Variants in DHX37 observed in about 807,000 individuals in gnomAD.
DHX37 encodes the protein DEAH-box helicase 37.
DHX37 carries 52 observed loss-of-function variants against 134.3 expected under a neutral mutation model. The ratio of observed to expected loss-of-function variants is 0.39; its 90% CI spans 0.31 to 0.49. The LOEUF is 0.49. DHX37 is among the 20% of genes least tolerant of loss of function. The pLI is 0.93. For synonymous variants in DHX37, 634 were observed against 670.7 expected, an observed-to-expected ratio of 0.95 and a Z score of 0.85; for missense variants, 1,344 against 1,580.8, an observed-to-expected ratio of 0.85 and a Z score of 2.54.
At chr12:124,981,703 A>G (rs12422810) in intron 3 of DHX37, among the ~76,000 whole-genome samples, 54,645 of 150,996 alleles carry the variant, frequency 0.36, 9,972 homozygotes, top group East Asian at 0.44. Flanking sequence ...CCAAAGTGCT[A>G]GGATTACAGG....
intron 5 of DHX37, among the ~76,000 whole-genome samples, chr12:124,976,074 T>C (rs1277030795): frequency 6.6e-6 from 1 of 152,114 alleles, no homozygotes; most frequent in South Asian, 2.1e-4. Flanking sequence ...CCAGGCAGGG[T>C]GGGCTTAGGC....
chr12:124,973,933 G>A lies in DHX37; in HGVS notation c.981-1334C>T, dbSNP rs182564979. 7.2e-3 allele frequency among the ~76,000 whole-genome samples: 1,045 copies of A among 145,844 alleles called. 11 individuals are homozygous for A. The highest frequency in any genetic ancestry group is 0.011 in the Non-Finnish European group (754 of 67,178). On this transcript the variant is annotated intron_variant, in intron 6 of 26. Coordinates refer to ENST00000308736, the MANE Select transcript of DHX37 (RefSeq NM_032656.4). ...CCTGGGATTACAGGCGTGAGCCGCC[G>A]TGCCCAGTCCCCAAATTTTTTTTTT...
chr12:124,961,019 T>C (rs1343684492), intron 15 of DHX37, among the ~76,000 whole-genome samples: 4 of 152,266 alleles, frequency 2.6e-5, no homozygotes, highest in Non-Finnish European at 5.9e-5. Context: ...CATAGCACTC[T>C]ACACTTTAAC....
chr12:124,960,447 A>G lies in DHX37; in HGVS notation c.2046-24T>C, dbSNP rs1368329145. 3.7e-6 allele frequency: 6 copies of G among 1,603,608 alleles called. No individual in the cohort carries two copies. The African/African-American group carries it at 6.7e-5, about 18-fold the overall frequency. Reference sequence around the variant, plus strand: ...GCCTGGATGGAGAGAAACCGGGACAACAAACACAAAACTCACACCAAAAAC... The same window carrying G: ...GCCTGGATGGAGAGAAACCGGGACAGCAAACACAAAACTCACACCAAAAAC... On this transcript the variant is annotated intron_variant, in intron 15 of 26. Coordinates refer to ENST00000308736, the MANE Select transcript of DHX37 (RefSeq NM_032656.4).
At chr12:124,967,266 A>G (rs753948022) in intron 10 of DHX37, 48 bp from the exon 11 acceptor site, 4 of 1,588,930 alleles carry the variant, frequency 2.5e-6, no homozygotes, top group Non-Finnish European at 3.4e-6. Context: ...ACTCACAAAC[A>G]TTTGCTTAGC....
chr12:124,952,737 G>A lies in DHX37; in HGVS notation c.2696-167C>T, dbSNP rs997736491. 9 of 574,564 alleles carry A rather than the reference G, an allele frequency of 1.6e-5. No individual in the cohort carries two copies. The Admixed American group carries it at 2.4e-4, about 15-fold the overall frequency. The allele number at this position is 574,564 out of a possible 1,614,324, so 35.6% of individuals were successfully genotyped here. ...CAGGACCCAAAGCCCCCAGCAGGCA[G>A]GATTGCAGCCGCCCCCCCATTCCCT... On this transcript the variant is annotated intron_variant, in intron 20 of 26. Coordinates refer to ENST00000308736, the MANE Select transcript of DHX37 (RefSeq NM_032656.4).
rs986964904 is a variant in DHX37 at position 124,949,424 on chromosome 12, G to A, written c.3290+562C>T. Among the ~76,000 whole-genome samples the A allele has an allele frequency of 2.0e-5, 3 of 152,188 alleles. No individual in the cohort carries two copies. The highest frequency in any genetic ancestry group is 2.0e-4 in the Admixed American group (3 of 15,286). ...CAGAAGCAGGAGGCAGAGGGCAAGGGTGAGCCCTGAAGCAGAGGTGGTGGG... is the reference window on the plus strand; with the variant it reads ...CAGAAGCAGGAGGCAGAGGGCAAGGATGAGCCCTGAAGCAGAGGTGGTGGG... On this transcript the variant is annotated intron_variant, in intron 25 of 26. Coordinates refer to ENST00000308736, the MANE Select transcript of DHX37 (RefSeq NM_032656.4). This position sits in a 1 kb window ranked among gnomAD's most constrained non-coding sequence, Gnocchi z 4.0.
At chr12:124,954,263 G>C in intron 18 of DHX37, 52 bp from the exon 19 acceptor site, 2 of 1,518,546 alleles carry the variant, frequency 1.3e-6, no homozygotes, top group Middle Eastern at 1.8e-4. Context: ...TGCGCTCAGG[G>C]CCTCAGCGGG....
In DHX37 at chr12:124,964,504, G is replaced by A; in HGVS notation, c.1935C>T (p.Tyr645=). The A allele has an allele frequency of 6.2e-7, 1 of 1,614,220 alleles. No homozygotes were observed. The highest frequency in any genetic ancestry group is 8.5e-7 in the Non-Finnish European group (1 of 1,180,028). ...VVDCGKVKKR[Y]YDRVTGVSSF... is the part of the protein sequence containing the mutation. Reference sequence around the variant, plus strand: ...AGGATACGCCAGTGACGCGGTCGTAGTAGCGTTTCTTGACCTTCCCACAGT... The same window carrying A: ...AGGATACGCCAGTGACGCGGTCGTAATAGCGTTTCTTGACCTTCCCACAGT... The change falls in exon 15 of 27, where the codon TAC becomes TAT. Residue 645 remains tyrosine, a synonymous_variant. Transcript: ENST00000308736.
At position 124,956,678 on chromosome 12, in the gene DHX37, G is replaced by A. The variant is rs375531531; in HGVS notation, c.2453+13C>T. On this transcript the variant is annotated intron_variant, in intron 18 of 26. Transcript: ENST00000308736. The stretch of plus-strand genomic sequence containing the variant: ...TGAGCTTGGCCCTGAGTGCCCAGCC[G>A]CCAACCTCGCACCTGTCCAGCTCCT... 2.9e-5 allele frequency: 44 copies of A among 1,525,916 alleles called. No homozygotes were observed. The highest frequency in any genetic ancestry group is 2.4e-4 in the African/African-American group (17 of 70,698). 94.5% of individuals were successfully genotyped at this position (1,525,916 alleles called of 1,614,324 possible).
At position 124,947,835 on chromosome 12, in the gene DHX37, GA is replaced by G. The variant is rs779974893; in HGVS notation, c.3440del (p.Ile1147ThrfsTer89). On this transcript the variant is annotated frameshift_variant, in exon 27 of 27. Coordinates refer to ENST00000308736, the MANE Select transcript of DHX37 (RefSeq NM_032656.4). LOFTEE classifies it high-confidence loss of function. ...EWLPQAMHPDIEKAWPPTTVH is the reference protein window; with the variant it reads ...EWLPQAMHPDXEKAWPPTTVH Reference sequence around the variant, plus strand: ...CAGTGGTGGGGGGCCAGGCTTTCTCGATATCGGGGTGCATGGCCTGTGGAAG... The same window carrying G: ...CAGTGGTGGGGGGCCAGGCTTTCTCGTATCGGGGTGCATGGCCTGTGGAAG... 1 of 1,602,124 alleles carries G rather than the reference GA, an allele frequency of 6.2e-7. No homozygotes were observed. Among genetic ancestry groups the G allele is most frequent in the Non-Finnish European group, 8.5e-7 (1 of 1,173,360 alleles).
rs978319575 is a variant in DHX37 at position 124,949,158 on chromosome 12, T to C, written c.3290+828A>G. ...GCTGCTGTGGGACAGAGATCGTGTC[T>C]GTATCCCAGCCCCGAGAACATGCCT... On this transcript the variant is annotated intron_variant, in intron 25 of 26. Coordinates refer to ENST00000308736, the MANE Select transcript of DHX37 (RefSeq NM_032656.4). The surrounding 1 kb of genome is among the most constrained non-coding windows in gnomAD (Gnocchi z 4.0). 1.3e-5 allele frequency among the ~76,000 whole-genome samples: 2 copies of C among 152,162 alleles called. No homozygotes were observed. The highest frequency in any genetic ancestry group is 2.9e-5 in the Non-Finnish European group (2 of 68,036).
In DHX37 at chr12:124,980,422, C is replaced by A. The variant is rs1954733234; in HGVS notation, c.738+68G>T. Reference sequence around the variant, plus strand: ...AAGGGATGCCCTTGCCCCACTTCACCAGGACGCCCTCTGTGCGCCCCTTGC... The same window carrying A: ...AAGGGATGCCCTTGCCCCACTTCACAAGGACGCCCTCTGTGCGCCCCTTGC... On this transcript the variant is annotated intron_variant, in intron 4 of 26. Transcript: ENST00000308736. The surrounding 1 kb of genome is among the most constrained non-coding windows in gnomAD (Gnocchi z 5.3). The A allele has an allele frequency of 6.5e-7, 1 of 1,532,232 alleles. No homozygotes were observed. The highest frequency in any genetic ancestry group is 2.3e-5 in the East Asian group (1 of 43,372). The allele number at this position is 1,532,232 out of a possible 1,614,324, so 94.9% of individuals were successfully genotyped here. A position where few individuals can be genotyped will look rare whatever the true frequency, so the allele number is the denominator to read the frequency against.
At chr12:124,987,807 T>C (rs1954903813) in intron 1 of DHX37, among the ~76,000 whole-genome samples, 1 of 152,092 alleles carries the variant, frequency 6.6e-6, no homozygotes, top group Non-Finnish European at 1.5e-5. Flanking sequence ...AAATTTGAAA[T>C]CTGGAATGCT....
Position 124,960,375 on chromosome 12 carries a change from T to C in DHX37, c.2094A>G (p.Pro698=), listed in dbSNP as rs1269757738. 6 of 1,614,068 alleles carry C rather than the reference T, an allele frequency of 3.7e-6. No individual in the cohort carries two copies. The highest frequency in any genetic ancestry group is 5.1e-6 in the Non-Finnish European group (6 of 1,180,018). ...VFGDFEQFPP[P]EITRRPVEDL... ...CTTCAACAGGCCTCCGGGTGATTTC[T>C]GGAGGAGGAAACTGCTCGAAGTCAC... Residue 698 remains proline, a synonymous_variant, in exon 16 of 27, where the codon CCA becomes CCG. Coordinates refer to ENST00000308736, the MANE Select transcript of DHX37 (RefSeq NM_032656.4).
chr12:124,965,692 G>C lies in DHX37; in HGVS notation c.1711C>G (p.Leu571Val), dbSNP rs766674720. The C allele has an allele frequency of 6.2e-7, 1 of 1,613,014 alleles. No individual in the cohort carries two copies. The change falls in exon 13 of 27, where the codon CTG becomes GTG. Residue 571 changes from leucine to valine, a missense_variant. Around this residue, in one of 7 missense-constraint regions of DHX37, gnomAD observed 289 missense variants for 323.8 expected, o/e 0.89. Coordinates refer to ENST00000308736, the MANE Select transcript of DHX37 (RefSeq NM_032656.4). ...GALDSDLDLDLGDGGQDGGEQ... is the reference protein window; with the variant it reads ...GALDSDLDLDVGDGGQDGGEQ... The stretch of plus-strand genomic sequence containing the variant: ...CCTCCATCTTGCCCGCCATCCCCCA[G>C]GTCCAGATCGAGGTCGGAGTCCAGG...
Position 124,984,746 on chromosome 12 carries a change from C to A in DHX37, c.276+1350G>T, listed in dbSNP as rs550449508. On this transcript the variant is annotated intron_variant, in intron 2 of 26. Coordinates refer to ENST00000308736, the MANE Select transcript of DHX37 (RefSeq NM_032656.4). ...TTCTGGTCATTTTTAAAAGTCTCTA[C>A]TTATAGAGATACAAATTGAAATATT... 1.2e-4 allele frequency among the ~76,000 whole-genome samples: 19 copies of A among 152,204 alleles called. No individual in the cohort carries two copies. The East Asian group carries it at 3.5e-3, about 28-fold the overall frequency.
intron 10 of DHX37, among the ~76,000 whole-genome samples, chr12:124,967,941 C>T (rs940368245): frequency 6.6e-6 from 1 of 151,904 alleles, no homozygotes; most frequent in African/African-American, 2.4e-5. Flanking sequence ...TGGCAGTGTG[C>T]GACCAGTGTG....
chr12:124,967,898 A>T (rs1176657972), intron 10 of DHX37, among the ~76,000 whole-genome samples: 1 of 151,874 alleles, frequency 6.6e-6, no homozygotes, highest in Non-Finnish European at 1.5e-5. Flanking sequence ...ATGAAACCCC[A>T]TCTCTACTAA....
Sources: gnomAD v4.1 joint callset for allele counts (sites outside exome capture counted in the v4.1 genomes callset) on GRCh38, gnomAD v4.1.1 for gene constraint, gnomAD v4.1.1 regional missense constraint, Gnocchi (gnomAD v3.1) non-coding constraint, MANE v1.5 for transcripts, NCBI Gene and HGNC (gene_info 2026-07-23, HGNC 2026-07-21) for gene names.